Variants in VWA2 observed in about 807,000 individuals in gnomAD.
VWA2 encodes von Willebrand factor A domain containing 2, also known as von Willebrand factor A domain-containing protein 2.
Under a neutral mutation model 70.4 loss-of-function variants are expected in VWA2, and 73 were observed. The ratio of observed to expected loss-of-function variants is 1.04; its 90% CI spans 0.86 to 1.26. The LOEUF is 1.26. Ranked by LOEUF, VWA2 falls within the 50% of genes most tolerant of loss-of-function variation. The pLI, the probability that VWA2 is intolerant of heterozygous loss-of-function variation, is 0.00. For missense variants in VWA2, 1,011 were observed against 998.5 expected, an observed-to-expected ratio of 1.01 and a Z score of -0.17; for synonymous variants, 407 against 423.3, an observed-to-expected ratio of 0.96 and a Z score of 0.47.
At position 114,286,084 on chromosome 10, in the gene VWA2, A is replaced by C. The variant is rs755137437; in HGVS notation, c.1143A>C (p.Arg381=). ...TGCTGAGCGAGGACTCTCGGGCCCGAGTGGGTGTGGCCACATACAGCAGGG... is the reference window on the plus strand; with the variant it reads ...TGCTGAGCGAGGACTCTCGGGCCCGCGTGGGTGTGGCCACATACAGCAGGG... ...RAVLSEDSRA[R]VGVATYSREL... is the part of the protein sequence containing the mutation. The change falls in exon 11 of 14, where the codon CGA becomes CGC. Residue 381 remains arginine, a synonymous_variant. Coordinates refer to ENST00000392982, the MANE Select transcript of VWA2 (RefSeq NM_001272046.2). 1.9e-6 allele frequency: 3 copies of C among 1,614,050 alleles called. No individual in the cohort carries two copies. The highest frequency in any genetic ancestry group is 2.5e-6 in the Non-Finnish European group (3 of 1,180,022).
intron 5 of VWA2, among the ~76,000 whole-genome samples, chr10:114,270,886 A>G (rs2037693052): frequency 6.6e-6 from 1 of 152,100 alleles, no homozygotes. Flanking sequence ...CTAGCTCCAG[A>G]ACACAGGTTA....
rs1589786289 is a variant in VWA2 at position 114,282,610 on chromosome 10, C to T, written c.889+39C>T. ...CTTGGATTTACAGGTTCTTTCAGGG[C>T]CCTGGGCCCAGGCTGCTTTGTAAAG... On this transcript the variant is annotated intron_variant, in intron 9 of 13. Coordinates refer to ENST00000392982, the MANE Select transcript of VWA2 (RefSeq NM_001272046.2). The T allele has an allele frequency of 1.8e-5, 29 of 1,584,646 alleles. No individual in the cohort carries two copies. In the East Asian group the frequency reaches 6.5e-4, roughly 35 times the overall value.
Position 114,272,857 on chromosome 10 carries a change from G to A in VWA2, c.489G>A (p.Gln163=), listed in dbSNP as rs775912628. 4.3e-6 allele frequency: 7 copies of A among 1,614,036 alleles called. No individual in the cohort carries two copies. In the South Asian group the frequency reaches 7.7e-5, roughly 18 times the overall value. ...ILIIVTDGKS[Q]GDVALPSKQL... is the part of the protein sequence containing the mutation. ...TCATCGTCACTGATGGGAAGTCCCA[G>A]GGGGATGTGGCACTGCCATCCAAGC... is the stretch of plus-strand genomic sequence containing the variant. The change falls in exon 6 of 14, where the codon CAG becomes CAA. Residue 163 remains glutamine (Q), a synonymous_variant. Coordinates refer to ENST00000392982, the MANE Select transcript of VWA2 (RefSeq NM_001272046.2).
chr10:114,266,329 G>A (rs1417897128), intron 5 of VWA2, among the ~76,000 whole-genome samples: 5 of 151,982 alleles, frequency 3.3e-5, no homozygotes, highest in South Asian at 2.1e-4. Flanking sequence ...TTGTAGGTAC[G>A]TAGTAGGTAT....
intron 5 of VWA2, among the ~76,000 whole-genome samples, chr10:114,270,356 G>A (rs1374027680): frequency 6.6e-6 from 1 of 152,232 alleles, no homozygotes; most frequent in Non-Finnish European, 1.5e-5. Context: ...CCAGAGAGCT[G>A]TGGCGAGAAT....
At chr10:114,266,935 C>G (rs1197215433) in intron 5 of VWA2, among the ~76,000 whole-genome samples, 1 of 151,988 alleles carries the variant, frequency 6.6e-6, no homozygotes, top group African/African-American at 2.4e-5. Flanking sequence ...TGTGCTTTTA[C>G]ATAAAGCTGT....
At chr10:114,245,259 C>T (rs994012600) in intron 1 of VWA2, among the ~76,000 whole-genome samples, 2 of 152,176 alleles carry the variant, frequency 1.3e-5, no homozygotes, top group East Asian at 1.9e-4. Flanking sequence ...CATAGTGGAT[C>T]GAGATCAAGC....
At chr10:114,267,303 G>A (rs1040935410) in intron 5 of VWA2, among the ~76,000 whole-genome samples, 1 of 151,518 alleles carries the variant, frequency 6.6e-6, no homozygotes, top group Non-Finnish European at 1.5e-5. Context: ...TTTTAGTAGA[G>A]ATGGGGTTTC....
intron 2 of VWA2, among the ~76,000 whole-genome samples, chr10:114,253,190 CCCCTCTCT>C: frequency 2.2e-5 from 1 of 46,240 alleles, no homozygotes; most frequent in African/African-American, 8.9e-5. Flanking sequence ...CATTTCCCCT[CCCCTCTCT>C]CCTCTCCCCT....
chr10:114,277,157 T>A (rs2037863436), intron 6 of VWA2, among the ~76,000 whole-genome samples: 1 of 144,934 alleles, frequency 6.9e-6, no homozygotes, highest in African/African-American at 2.6e-5. Flanking sequence ...GATACATTAC[T>A]GACTGCACGT....
chr10:114,250,855 C>A (rs1308523786), intron 2 of VWA2, among the ~76,000 whole-genome samples: 1 of 152,216 alleles, frequency 6.6e-6, no homozygotes, highest in Non-Finnish European at 1.5e-5. Context: ...TTGTCATGGA[C>A]CTTTGCCTTC....
At chr10:114,247,240 A>AT (rs773998724) in intron 1 of VWA2, among the ~76,000 whole-genome samples, 7 of 151,944 alleles carry the variant, frequency 4.6e-5, no homozygotes, top group Non-Finnish European at 7.4e-5. Context: ...CTCTGGTGGC[A>AT]TTCCCTTAGA....
At chr10:114,264,608 A>G (rs1456094770) in intron 5 of VWA2, among the ~76,000 whole-genome samples, 1 of 151,614 alleles carries the variant, frequency 6.6e-6, no homozygotes. Flanking sequence ...TTTAGTAGAG[A>G]TGGGGTTTCA....
chr10:114,276,798 C>T (rs1413044367), intron 6 of VWA2, among the ~76,000 whole-genome samples: 1 of 150,352 alleles, frequency 6.7e-6, no homozygotes, highest in Non-Finnish European at 1.5e-5. Context: ...GGATAACAGG[C>T]GTGAGCCACT....
intron 5 of VWA2, among the ~76,000 whole-genome samples, chr10:114,264,782 C>T (rs548881056): frequency 2.2e-4 from 33 of 151,916 alleles, no homozygotes; most frequent in Non-Finnish European, 4.0e-4. Context: ...TGCAATGGCA[C>T]GATCTTGGCT....
chr10:114,278,739 C>G lies in VWA2; in HGVS notation c.721C>G (p.Pro241Ala), dbSNP rs2037910921. The G allele has an allele frequency of 6.2e-7, 1 of 1,613,974 alleles. No individual in the cohort carries two copies. The highest frequency in any genetic ancestry group is 8.5e-7 in the Non-Finnish European group (1 of 1,180,028). The stretch of plus-strand genomic sequence containing the variant: ...CACAGACTGCAGGGTCGAGGCTCAC[C>G]CCTGTGAGCACAGGACGCTGGAGAT... ...ATPDCRVEAH[P>A]CEHRTLEMVR... The change falls in exon 8 of 14, where the codon CCC becomes GCC. Residue 241 changes from proline (P) to alanine (A), a missense_variant. Coordinates refer to ENST00000392982, the MANE Select transcript of VWA2 (RefSeq NM_001272046.2).
At chr10:114,277,725 C>T (rs571645610) in intron 6 of VWA2, among the ~76,000 whole-genome samples, 189 bp from the exon 7 acceptor site, 1 of 152,306 alleles carries the variant, frequency 6.6e-6, no homozygotes, top group East Asian at 1.9e-4. Context: ...TTGTTCTTTG[C>T]TTGCTGTCAC....
chr10:114,282,423 T>C (rs919169293), intron 8 of VWA2, 93 bp from the exon 9 acceptor site: 1 of 1,008,992 alleles, frequency 9.9e-7, no homozygotes, highest in Non-Finnish European at 1.6e-6. Flanking sequence ...ATTGGAATCT[T>C]CTATCAGCTT....
intron 1 of VWA2, chr10:114,246,107 G>A (rs757377471): frequency 2.6e-5 from 21 of 816,524 alleles, no homozygotes; most frequent in Non-Finnish European, 4.2e-5. Flanking sequence ...GATGCATGGT[G>A]AGAAGGTAGA....
Sources: gnomAD v4.1 joint callset for allele counts (sites outside exome capture counted in the v4.1 genomes callset) on GRCh38, gnomAD v4.1.1 for gene constraint, MANE v1.5 for transcripts, NCBI Gene and HGNC (gene_info 2026-07-23, HGNC 2026-07-21) for gene names.